The following CNTNAP4 variants were observed in gnomAD, a reference collection of about 807,000 sequenced individuals.
CNTNAP4 encodes contactin associated protein family member 4.
Under a neutral mutation model 148.4 loss-of-function variants are expected in CNTNAP4, and 98 were observed. The observed-to-expected ratio is 0.66, with a 90% CI of 0.56 to 0.78. The LOEUF (loss-of-function observed/expected upper bound fraction) is 0.78, where lower values mean the gene tolerates loss of function less well. Ranked by LOEUF, CNTNAP4 falls within the 30% of genes least tolerant of loss-of-function variation. CNTNAP4 has a pLI of 0.00. For synonymous variants in CNTNAP4, 730 were observed against 565.1 expected, an observed-to-expected ratio of 1.29 and a Z score of -4.14; for missense variants, 1,935 against 1,565.6, an observed-to-expected ratio of 1.24 and a Z score of -3.98.
intron 2 of CNTNAP4, among the ~76,000 whole-genome samples, chr16:76,331,615 A>G (rs963770332): frequency 2.0e-5 from 3 of 151,710 alleles, no homozygotes; most frequent in African/African-American, 7.3e-5. Flanking sequence ...AAAAACCTCT[A>G]CTTTTGTATC....
chr16:76,440,869 T>G (rs2080011283), intron 4 of CNTNAP4, among the ~76,000 whole-genome samples: 1 of 152,058 alleles, frequency 6.6e-6, no homozygotes, highest in Non-Finnish European at 1.5e-5. Context: ...CTTTTTCAAG[T>G]GACAACCCCT....
chr16:76,448,874 G>A lies in CNTNAP4; in HGVS notation c.850G>A (p.Val284Ile). The A allele has an allele frequency of 6.2e-7, 1 of 1,613,762 alleles. No individual in the cohort carries two copies. The highest frequency in any genetic ancestry group is 8.5e-7 in the Non-Finnish European group (1 of 1,179,822). ...SVLIQRLGKQ[V>I]NFTVDEHRHH... ...GCTCATCCAGCGTTTGGGCAAACAA[G>A]TCAACTTCACAGTGGACGAACACAG... Residue 284 changes from valine to isoleucine, a missense_variant, in exon 6 of 24, where the codon GTC becomes ATC. Physicochemically the swap from Val to Ile is conservative, Grantham distance 29. Transcript: ENST00000611870.
intron 1 of CNTNAP4, among the ~76,000 whole-genome samples, chr16:76,291,282 G>C (rs1959104137): frequency 6.6e-6 from 1 of 152,088 alleles, no homozygotes; most frequent in African/African-American, 2.4e-5. Context: ...CAGCTGAGTG[G>C]AGTCATCCTG....
intron 3 of CNTNAP4, among the ~76,000 whole-genome samples, chr16:76,399,982 A>G (rs1169988035): frequency 6.6e-6 from 1 of 152,202 alleles, no homozygotes; most frequent in African/African-American, 2.4e-5. Flanking sequence ...TAAAAATGTA[A>G]AAGATTAATT....
At chr16:76,372,211 T>G (rs1188046207) in intron 3 of CNTNAP4, among the ~76,000 whole-genome samples, 1 of 148,950 alleles carries the variant, frequency 6.7e-6, no homozygotes, top group Non-Finnish European at 1.5e-5. Flanking sequence ...GCAATCTCGG[T>G]TCACTGCAAG....
At position 76,473,009 on chromosome 16, in the gene CNTNAP4, G is replaced by A. The variant is rs1009828561; in HGVS notation, c.1656-2930G>A. Among the ~76,000 whole-genome samples, 6 of 152,156 alleles carry A rather than the reference G, an allele frequency of 3.9e-5. No individual in the cohort carries two copies. In the South Asian group the frequency reaches 1.2e-3, roughly 32 times the overall value. On this transcript the variant is annotated intron_variant, in intron 10 of 23. Coordinates refer to ENST00000611870, the MANE Select transcript of CNTNAP4 (RefSeq NM_033401.5). The stretch of plus-strand genomic sequence containing the variant: ...GTATACTCCGTGAGGGGGGCAGAGG[G>A]GGGAAGCCTTCTCTGAATAATGTCC...
Position 76,351,148 on chromosome 16 carries a change from G to A in CNTNAP4, c.197-4170G>A, listed in dbSNP as rs976583270. 1.3e-4 allele frequency among the ~76,000 whole-genome samples: 20 copies of A among 151,996 alleles called. No individual in the cohort carries two copies. The South Asian group carries it at 1.7e-3, about 13-fold the overall frequency. The stretch of plus-strand genomic sequence containing the variant: ...ATAACACTTAACTAGCAGTTAAAAG[G>A]TTTTCTTAATAAAATAAATACAGTT... On this transcript the variant is annotated intron_variant, in intron 2 of 23. Coordinates refer to ENST00000611870, the MANE Select transcript of CNTNAP4 (RefSeq NM_033401.5).
chr16:76,522,039 C>T lies in CNTNAP4; in HGVS notation c.2537C>T (p.Ser846Phe). ...IADFIRIELR[S>F]PTVVTFSFDV... ...CAATCTTTATGTGTAATATTTCCAG[C>T]TCCGACAGTAGTGACTTTTTCATTT... is the stretch of plus-strand genomic sequence containing the variant. Residue 846 changes from serine to phenylalanine, a missense_variant and splice_region_variant, in exon 17 of 24, where the codon TCT becomes TTT. Physicochemically the swap from Ser to Phe is radical, Grantham distance 155. Coordinates refer to ENST00000611870, the MANE Select transcript of CNTNAP4 (RefSeq NM_033401.5). 2 of 1,613,670 alleles carry T rather than the reference C, an allele frequency of 1.2e-6. No individual in the cohort carries two copies. The highest frequency in any genetic ancestry group is 2.2e-5 in the East Asian group (1 of 44,872).
Position 76,535,579 on chromosome 16 carries a change from C to T in CNTNAP4, c.2790C>T (p.Gly930=), listed in dbSNP as rs2084178967. The T allele has an allele frequency of 6.8e-6, 11 of 1,612,520 alleles. No individual in the cohort carries two copies. The highest frequency in any genetic ancestry group is 9.3e-6 in the Non-Finnish European group (11 of 1,179,922). Residue 930 remains glycine, a synonymous_variant, in exon 18 of 24, where the codon GGC becomes GGT. Transcript: ENST00000611870. ...CCACCAGACAGAGAGGCTTTCTGGGCTGCATTCGGTCTCTGCAGTTGAATG... is the reference window on the plus strand; with the variant it reads ...CCACCAGACAGAGAGGCTTTCTGGGTTGCATTCGGTCTCTGCAGTTGAATG... ...GTATRQRGFL[G]CIRSLQLNGM... is the part of the protein sequence containing the mutation.
intron 21 of CNTNAP4, among the ~76,000 whole-genome samples, chr16:76,547,516 A>G (rs2084787660): frequency 6.6e-6 from 1 of 152,244 alleles, no homozygotes. Context: ...TGGTGGTAGC[A>G]GTAAAAACCA....
intron 17 of CNTNAP4, among the ~76,000 whole-genome samples, chr16:76,530,917 A>G (rs2083954974): frequency 6.6e-6 from 1 of 152,148 alleles, no homozygotes; most frequent in South Asian, 2.1e-4. Context: ...TGACATATAG[A>G]AGACAACTTT....
intron 17 of CNTNAP4, among the ~76,000 whole-genome samples, chr16:76,527,012 C>G (rs574611229): frequency 2.0e-5 from 3 of 152,186 alleles, no homozygotes; most frequent in Non-Finnish European, 4.4e-5. Flanking sequence ...TTCTTGTTTT[C>G]TCCCTTCATC....
intron 15 of CNTNAP4, among the ~76,000 whole-genome samples, chr16:76,516,356 G>A (rs1465761799): frequency 6.6e-6 from 1 of 152,072 alleles, no homozygotes; most frequent in African/African-American, 2.4e-5. Context: ...TGGGCATTTG[G>A]GTGGGTTCCA....
chr16:76,455,936 G>A (rs769165639), intron 8 of CNTNAP4, among the ~76,000 whole-genome samples: 5 of 152,162 alleles, frequency 3.3e-5, no homozygotes, highest in Non-Finnish European at 7.4e-5. Context: ...GGAAGTAGAC[G>A]TAAATCTTTT....
chr16:76,555,377 A>C (rs2085152260), intron 23 of CNTNAP4, among the ~76,000 whole-genome samples: 1 of 152,126 alleles, frequency 6.6e-6, no homozygotes, highest in Non-Finnish European at 1.5e-5. Context: ...AAACAAAAAA[A>C]CTCTATTTGA....
intron 15 of CNTNAP4, among the ~76,000 whole-genome samples, chr16:76,513,600 A>G (rs1407629855): frequency 6.6e-6 from 1 of 152,148 alleles, no homozygotes; most frequent in African/African-American, 2.4e-5. Context: ...ATTTAAATGT[A>G]TTTTCTATAC....
intron 3 of CNTNAP4, among the ~76,000 whole-genome samples, chr16:76,403,957 A>C (rs2078509455): frequency 6.6e-6 from 1 of 152,188 alleles, no homozygotes; most frequent in Non-Finnish European, 1.5e-5. Flanking sequence ...ACAGAAAACC[A>C]AATACCATAT....
intron 2 of CNTNAP4, among the ~76,000 whole-genome samples, chr16:76,321,410 G>A (rs941463111): frequency 2.0e-5 from 3 of 152,122 alleles, no homozygotes; most frequent in Non-Finnish European, 2.9e-5. Context: ...CAGTGCTTAA[G>A]AGGATAGATC....
intron 17 of CNTNAP4, among the ~76,000 whole-genome samples, chr16:76,535,131 CAA>C (rs1459694281): frequency 1.3e-5 from 2 of 152,152 alleles, no homozygotes; most frequent in African/African-American, 4.8e-5. Flanking sequence ...ATAATTCTCA[CAA>C]AGTTAAAACT....
Sources: gnomAD v4.1 joint callset for allele counts (sites outside exome capture counted in the v4.1 genomes callset) on GRCh38, gnomAD v4.1.1 for gene constraint, MANE v1.5 for transcripts, NCBI Gene and HGNC (gene_info 2026-07-23, HGNC 2026-07-21) for gene names.